ACAN: variants seen among roughly 807,000 people sequenced by gnomAD.
ACAN encodes the protein aggrecan core protein.
In ACAN, 47 loss-of-function variants were observed where a neutral mutation model predicts 169.1. That is an observed-to-expected ratio of 0.28 (90% CI 0.22 to 0.35). The LOEUF is 0.35. Ranked by LOEUF, ACAN falls within the 10% of genes least tolerant of loss-of-function variation. The pLI is 1.00. For missense variants in ACAN, 2,716 were observed against 2,759.9 expected (o/e 0.98, Z 0.36); for synonymous variants, 1,115 against 1,112.2 (o/e 1.00, Z -0.05).
In ACAN at chr15:88,840,238, G is replaced by C. The variant is rs376830460; in HGVS notation, c.629+52G>C. The C allele has an allele frequency of 2.3e-5, 35 of 1,506,606 alleles. No homozygotes were observed. In the African/African-American group the frequency reaches 3.8e-4, roughly 16 times the overall value. 93.3% of individuals were successfully genotyped at this position (1,506,606 alleles called of 1,614,324 possible). A position where few individuals can be genotyped will look rare whatever the true frequency, so the allele number is the denominator to read the frequency against. On this transcript the variant is annotated intron_variant, in intron 4 of 18. Transcript: ENST00000560601. ...GGGCCAGGAGTCAGCAGCCACAGGG[G>C]AGTGGGGCGGGTGCTGGGTGGAACG... is the stretch of plus-strand genomic sequence containing the variant.
At position 88,874,717 on chromosome 15, in the gene ACAN, T is replaced by C. The variant is rs1897471419; in HGVS notation, c.*236T>C. The C allele has an allele frequency of 5.0e-6, 3 of 601,058 alleles. No homozygotes were observed. The East Asian group carries it at 9.5e-5, about 19-fold the overall frequency. The allele number at this position is 601,058 out of a possible 1,614,324, so 37.2% of individuals were successfully genotyped here. On this transcript the variant is annotated 3_prime_UTR_variant, in exon 19 of 19. Transcript: ENST00000560601. The surrounding 1 kb of genome is among the most constrained non-coding windows in gnomAD (Gnocchi z 7.3). ...AGCAAAGCAAACTTATTATAACCCT[T>C]GGACTGAGTTTAGAGACATTTCTTC... is the stretch of plus-strand genomic sequence containing the variant.
In ACAN at chr15:88,855,115, C is replaced by A; in HGVS notation, c.2530C>A (p.Pro844Thr). 6.2e-7 allele frequency: 1 copy of A among 1,606,086 alleles called. No individual in the cohort carries two copies. Among genetic ancestry groups the A allele is most frequent in the Non-Finnish European group, 8.5e-7 (1 of 1,175,892 alleles). ...EPSASEEPYTPSPPVPSWTEL... is the reference protein window; with the variant it reads ...EPSASEEPYTTSPPVPSWTEL... ...ATCAGCCTCGGAAGAGCCGTATACACCTTCACCCCCCGTGCCCAGCTGGAC... is the reference window on the plus strand; with the variant it reads ...ATCAGCCTCGGAAGAGCCGTATACAACTTCACCCCCCGTGCCCAGCTGGAC... The change falls in exon 12 of 19, where the codon CCT becomes ACT. Residue 844 changes from proline (P) to threonine (T), a missense_variant. Pro to Thr is a conservative substitution (Grantham distance 38). Transcript: ENST00000560601.
Position 88,857,186 on chromosome 15 carries a change from T to A in ACAN, c.4601T>A (p.Val1534Asp). Reference sequence around the variant, plus strand: ...AGCAGGCTCCCTTCTGGAGAAGAAGTTCTAGAGATTTCTGCCTCTGGATTT... The same window carrying A: ...AGCAGGCTCCCTTCTGGAGAAGAAGATCTAGAGATTTCTGCCTCTGGATTT... ...DLSRLPSGEEVLEISASGFGD... is the reference protein window; with the variant it reads ...DLSRLPSGEEDLEISASGFGD... Residue 1534 changes from valine (V) to aspartate (D), a missense_variant, in exon 12 of 19, where the codon GTT becomes GAT. Val to Asp is a radical substitution (Grantham distance 152). Around this residue, in one of 3 missense-constraint regions of ACAN, gnomAD observed 1,389 missense variants for 1,363.7 expected, o/e 1.02. Coordinates refer to ENST00000560601, the MANE Select transcript of ACAN (RefSeq NM_001369268.1). 6.2e-7 allele frequency: 1 copy of A among 1,613,660 alleles called. No homozygotes were observed. The highest frequency in any genetic ancestry group is 2.2e-5 in the East Asian group (1 of 44,870).
chr15:88,871,270 G>A lies in ACAN; in HGVS notation c.7061-112G>A, dbSNP rs909332504. On this transcript the variant is annotated intron_variant, in intron 14 of 18. Coordinates refer to ENST00000560601, the MANE Select transcript of ACAN (RefSeq NM_001369268.1). This position sits in a 1 kb window ranked among gnomAD's most constrained non-coding sequence, Gnocchi z 7.8. ...GCTGTGCCTCTCCCTTCCCTTGAGG[G>A]CACAGCATGGAAGGTGGGGTGAACG... is the stretch of plus-strand genomic sequence containing the variant. 58 of 1,453,598 alleles carry A rather than the reference G, an allele frequency of 4.0e-5. No homozygotes were observed. Among genetic ancestry groups the A allele is most frequent in the Non-Finnish European group, 4.0e-5 (43 of 1,068,676 alleles). The allele number at this position is 1,453,598 out of a possible 1,614,324, so 90.0% of individuals were successfully genotyped here. A position where few individuals can be genotyped will look rare whatever the true frequency, so the allele number is the denominator to read the frequency against.
Position 88,845,893 on chromosome 15 carries a change from G to A in ACAN, c.1429+11G>A. On this transcript the variant is annotated intron_variant, in intron 7 of 18. Coordinates refer to ENST00000560601, the MANE Select transcript of ACAN (RefSeq NM_001369268.1). ...CGCATTTGCCAGGGGGTAAGTAGCTGCCCGTGGGTGCATCCAGGGGCAGGT... is the reference window on the plus strand; with the variant it reads ...CGCATTTGCCAGGGGGTAAGTAGCTACCCGTGGGTGCATCCAGGGGCAGGT... 2.1e-6 allele frequency: 3 copies of A among 1,445,706 alleles called. No homozygotes were observed. Among genetic ancestry groups the A allele is most frequent in the South Asian group, 3.0e-5 (2 of 65,626 alleles). The allele number at this position is 1,445,706 out of a possible 1,614,324, so 89.6% of individuals were successfully genotyped here. A position where few individuals can be genotyped will look rare whatever the true frequency, so the allele number is the denominator to read the frequency against.
chr15:88,808,491 C>T (rs1057172951), intron 1 of ACAN, among the ~76,000 whole-genome samples: 6 of 152,204 alleles, frequency 3.9e-5, no homozygotes, highest in East Asian at 1.9e-4. Flanking sequence ...ATGGGGAAGA[C>T]GGACTGTAAC....
rs376899394 is a variant in ACAN at position 88,858,744 on chromosome 15, A to G, written c.6159A>G (p.Glu2053=). Residue 2053 remains glutamate (E), a synonymous_variant, in exon 12 of 19, where the codon GAA becomes GAG. Coordinates refer to ENST00000560601, the MANE Select transcript of ACAN (RefSeq NM_001369268.1). The surrounding 1 kb of genome is among the most constrained non-coding windows in gnomAD (Gnocchi z 4.0). ...TTACTGAACCAACTATTTCTCAGGA[A>G]CTAGGCCAAAGGCCCCCTGTGACAC... ...EGVTEPTISQ[E]LGQRPPVTHT... is the part of the protein sequence containing the mutation. 8.7e-6 allele frequency: 14 copies of G among 1,613,890 alleles called. No homozygotes were observed. In the African/African-American group the frequency reaches 1.6e-4, roughly 18 times the overall value.
At position 88,851,815 on chromosome 15, in the gene ACAN, C is replaced by T. The variant is rs1896935576; in HGVS notation, c.2048C>T (p.Pro683Leu). ...TTAGGCATTTCAGCGGTTCCTTCTC[C>T]AGGAGAAGAAGAGGGTGGCACACCC... ...CFRGISAVPS[P>L]GEEEGGTPTS... is the part of the protein sequence containing the mutation. Residue 683 changes from proline to leucine, a missense_variant, in exon 11 of 19, where the codon CCA becomes CTA. Pro to Leu is a moderately conservative substitution (Grantham distance 98, BLOSUM62 -3). Around this residue, in one of 3 missense-constraint regions of ACAN, gnomAD observed 1,283 missense variants for 1,281.5 expected, o/e 1.00. Transcript: ENST00000560601. The surrounding 1 kb of genome is among the most constrained non-coding windows in gnomAD (Gnocchi z 4.3). 1 of 1,603,102 alleles carries T rather than the reference C, an allele frequency of 6.2e-7. No individual in the cohort carries two copies. The highest frequency in any genetic ancestry group is 8.5e-7 in the Non-Finnish European group (1 of 1,174,754).
At chr15:88,804,503 C>A (rs1895627010) in intron 1 of ACAN, among the ~76,000 whole-genome samples, 3 of 152,102 alleles carry the variant, frequency 2.0e-5, no homozygotes, top group Admixed American at 2.0e-4. Flanking sequence ...CAAGAAGGGG[C>A]ATTTCTCAAG....
chr15:88,860,504 A>T, intron 13 of ACAN, 65 bp downstream of exon 13: 1 of 1,421,162 alleles, frequency 7.0e-7, no homozygotes, highest in Non-Finnish European at 9.8e-7. Flanking sequence ...TCATCCCCCA[A>T]AGGGTCCCCA....
At position 88,814,763 on chromosome 15, in the gene ACAN, C is replaced by T. The variant is rs746858183; in HGVS notation, c.-8+10954C>T. 7.2e-5 allele frequency among the ~76,000 whole-genome samples: 11 copies of T among 152,222 alleles called. No homozygotes were observed. The highest frequency in any genetic ancestry group is 1.3e-4 in the Non-Finnish European group (9 of 68,046). Reference sequence around the variant, plus strand: ...ACAAAGGCTGGATCAACAAGAACTCCTCTTCAGGTGTCATAGCTGCTAGCC... The same window carrying T: ...ACAAAGGCTGGATCAACAAGAACTCTTCTTCAGGTGTCATAGCTGCTAGCC... On this transcript the variant is annotated intron_variant, in intron 1 of 18. Transcript: ENST00000560601. This position sits in a 1 kb window ranked among gnomAD's most constrained non-coding sequence, Gnocchi z 4.0.
Position 88,873,633 on chromosome 15 carries a change from C to T in ACAN, c.7448-209C>T, listed in dbSNP as rs1223757297. 2.0e-5 allele frequency: 12 copies of T among 589,780 alleles called. No homozygotes were observed. The highest frequency in any genetic ancestry group is 6.5e-5 in the South Asian group (3 of 46,412). 36.5% of individuals were successfully genotyped at this position (589,780 alleles called of 1,614,324 possible). A position where few individuals can be genotyped will look rare whatever the true frequency, so the allele number is the denominator to read the frequency against. Reference sequence around the variant, plus strand: ...CTCTTCATCCCTTTAAAGACCACCCCGTTTGTATTCCCTTCCTGCTGTTCT... The same window carrying T: ...CTCTTCATCCCTTTAAAGACCACCCTGTTTGTATTCCCTTCCTGCTGTTCT... On this transcript the variant is annotated intron_variant, in intron 17 of 18. Transcript: ENST00000560601. The surrounding 1 kb of genome is among the most constrained non-coding windows in gnomAD (Gnocchi z 7.5).
chr15:88,823,014 G>T (rs1896117826), intron 1 of ACAN, among the ~76,000 whole-genome samples: 1 of 152,158 alleles, frequency 6.6e-6, no homozygotes, highest in South Asian at 2.1e-4. Flanking sequence ...GGCCCTTTCT[G>T]GCAAGCAGGC....
chr15:88,825,269 G>C (rs923169190), intron 1 of ACAN, among the ~76,000 whole-genome samples: 6 of 152,098 alleles, frequency 3.9e-5, no homozygotes, highest in Non-Finnish European at 7.4e-5. Context: ...ACCCCCTCCA[G>C]CAGGATCAGA....
intron 1 of ACAN, among the ~76,000 whole-genome samples, chr15:88,806,023 A>G (rs1895672568): frequency 6.6e-6 from 1 of 152,208 alleles, no homozygotes; most frequent in Admixed American, 6.5e-5. Context: ...AGGAGGGTGG[A>G]CAGCCTGCAT....
At chr15:88,854,600 C>CCCTA (rs1897005450) in intron 11 of ACAN, among the ~76,000 whole-genome samples, 1 of 152,162 alleles carries the variant, frequency 6.6e-6, no homozygotes, top group African/African-American at 2.4e-5. Flanking sequence ...CTTCCCAGTT[C>CCCTA]CCTACCTCCC....
In ACAN at chr15:88,858,694, A is replaced by G. The variant is rs749852017; in HGVS notation, c.6109A>G (p.Ile2037Val). ...EASGLPEVTLITSEFVEGVTE... is the reference protein window; with the variant it reads ...EASGLPEVTLVTSEFVEGVTE... ...CTCAGGACTTCCAGAAGTTACTTTAATCACTTCTGAGTTCGTGGAGGGTGT... is the reference window on the plus strand; with the variant it reads ...CTCAGGACTTCCAGAAGTTACTTTAGTCACTTCTGAGTTCGTGGAGGGTGT... Residue 2037 changes from isoleucine (I) to valine (V), a missense_variant, in exon 12 of 19, where the codon ATC (isoleucine) becomes GTC (valine). Physicochemically the swap from Ile to Val is conservative, Grantham distance 29 (BLOSUM62 3). This residue lies in a region of ACAN where 1,389 missense variants were observed against 1,363.7 expected (regional missense o/e 1.02). Transcript: ENST00000560601. The surrounding 1 kb of genome is among the most constrained non-coding windows in gnomAD (Gnocchi z 4.0). 8.1e-6 allele frequency: 13 copies of G among 1,613,786 alleles called. No individual in the cohort carries two copies. Among genetic ancestry groups the G allele is most frequent in the Admixed American group, 1.7e-5 (1 of 60,000 alleles).
chr15:88,874,953 G>A lies in ACAN; in HGVS notation c.*472G>A, dbSNP rs931225820. ...AGAGGCCTGAGAGCAGGAAGAACTC[G>A]GAACCGCAGCTGAATGTATTGGATG... is the stretch of plus-strand genomic sequence containing the variant. On this transcript the variant is annotated 3_prime_UTR_variant, in exon 19 of 19. Transcript: ENST00000560601. This position sits in a 1 kb window ranked among gnomAD's most constrained non-coding sequence, Gnocchi z 7.3. The A allele has an allele frequency of 1.7e-5, 5 of 299,080 alleles. No individual in the cohort carries two copies. The highest frequency in any genetic ancestry group is 3.3e-5 in the South Asian group (1 of 30,134). The allele number at this position is 299,080 out of a possible 1,614,324, so 18.5% of individuals were successfully genotyped here. A position where few individuals can be genotyped will look rare whatever the true frequency, so the allele number is the denominator to read the frequency against.
intron 1 of ACAN, among the ~76,000 whole-genome samples, chr15:88,833,671 TAA>T (rs922647201): frequency 6.9e-6 from 1 of 144,966 alleles, no homozygotes; most frequent in Non-Finnish European, 1.5e-5. Context: ...AGTTTGTCTT[TAA>T]AAAAAAAAAA....
Sources: gnomAD v4.1 joint callset for allele counts (sites outside exome capture counted in the v4.1 genomes callset) on GRCh38, gnomAD v4.1.1 for gene constraint, gnomAD v4.1.1 regional missense constraint, Gnocchi (gnomAD v3.1) non-coding constraint, MANE v1.5 for transcripts, NCBI Gene and HGNC (gene_info 2026-07-23, HGNC 2026-07-21) for gene names.